DYNC1H1: variants seen among roughly 807,000 people sequenced by gnomAD.
DYNC1H1 encodes the protein cytoplasmic dynein 1 heavy chain 1.
DYNC1H1 carries 51 observed loss-of-function variants against 527.1 expected under a neutral mutation model. The observed-to-expected ratio is 0.10, with a 90% CI of 0.08 to 0.12. DYNC1H1 has a LOEUF of 0.12. Among genes scored for constraint, DYNC1H1 ranks in the 10% least tolerant of loss-of-function variants. The pLI, the probability that DYNC1H1 is intolerant of heterozygous loss-of-function variation, is 1.00. For missense variants in DYNC1H1, 2,771 were observed against 5,971.8 expected (o/e 0.46, Z 17.66); for synonymous variants, 2,189 against 2,278.8 (o/e 0.96, Z 1.12).
intron 29 of DYNC1H1, among the ~76,000 whole-genome samples, chr14:102,008,951 T>C (rs1174349798): frequency 6.6e-6 from 1 of 152,054 alleles, no homozygotes; most frequent in African/African-American, 2.4e-5. Context: ...GTTCCCTCCA[T>C]GGTCTTTGCC....
chr14:102,039,424 T>C lies in DYNC1H1; in HGVS notation c.11473T>C (p.Tyr3825His), dbSNP rs763172229. 1.2e-6 allele frequency: 2 copies of C among 1,614,148 alleles called. No individual in the cohort carries two copies. The highest frequency in any genetic ancestry group is 1.7e-6 in the Non-Finnish European group (2 of 1,180,056). Residue 3825 changes from tyrosine (Y) to histidine (H), a missense_variant, in exon 61 of 78, where the codon TAC becomes CAC. Around this residue, in one of 32 missense-constraint regions of DYNC1H1, gnomAD observed 283 missense variants for 737.6 expected, o/e 0.38. Transcript: ENST00000360184. The surrounding 1 kb of genome is among the most constrained non-coding windows in gnomAD (Gnocchi z 7.0). Reference sequence around the variant, plus strand: ...TGCTTCCTTTCAGATACACTTCTTGTACCAGTACTCCCTCCAGTTTTTCCT... The same window carrying C: ...TGCTTCCTTTCAGATACACTTCTTGCACCAGTACTCCCTCCAGTTTTTCCT... ...MESLKQIHFL[Y>H]QYSLQFFLDI...
Position 102,036,247 on chromosome 14 carries a change from T to G in DYNC1H1, c.10755-242T>G. The G allele has an allele frequency of 4.1e-6, 2 of 487,032 alleles. No homozygotes were observed. The highest frequency in any genetic ancestry group is 7.5e-6 in the Non-Finnish European group (2 of 265,048). 30.2% of individuals were successfully genotyped at this position (487,032 alleles called of 1,614,324 possible). On this transcript the variant is annotated intron_variant, in intron 56 of 77. Coordinates refer to ENST00000360184, the MANE Select transcript of DYNC1H1 (RefSeq NM_001376.5). The surrounding 1 kb of genome is among the most constrained non-coding windows in gnomAD (Gnocchi z 5.6). The stretch of plus-strand genomic sequence containing the variant: ...CCAGAAGGAAAAAGATTTTTAACTA[T>G]GGCCCTCTTGGTGTATGACTCAAGC...
chr14:102,037,078 CAGAA>C (rs2152593994), intron 57 of DYNC1H1: 1 of 218,610 alleles, frequency 4.6e-6, no homozygotes, highest in African/African-American at 2.4e-5. Context: ...GCCTGGGAGA[CAGAA>C]AGAGACTGTA....
rs538986139 is a variant in DYNC1H1 at position 102,018,439 on chromosome 14, A to C, written c.8178-12A>C. 34 of 1,612,822 alleles carry C rather than the reference A, an allele frequency of 2.1e-5. No homozygotes were observed. The South Asian group carries it at 3.7e-4, about 18-fold the overall frequency. On this transcript the variant is annotated splice_polypyrimidine_tract_variant and intron_variant, in intron 40 of 77. Coordinates refer to ENST00000360184, the MANE Select transcript of DYNC1H1 (RefSeq NM_001376.5). This position sits in a 1 kb window ranked among gnomAD's most constrained non-coding sequence, Gnocchi z 5.2. ...TCAGGGAGGGGCGCTGAGCGGGGCTATCTGTGCACAGGTTCCTGCGCCACG... is the reference window on the plus strand; with the variant it reads ...TCAGGGAGGGGCGCTGAGCGGGGCTCTCTGTGCACAGGTTCCTGCGCCACG...
Position 102,039,618 on chromosome 14 carries a change from G to T in DYNC1H1, c.11596-20G>T. The T allele has an allele frequency of 1.2e-6, 2 of 1,614,162 alleles. No individual in the cohort carries two copies. Among genetic ancestry groups the T allele is most frequent in the Admixed American group, 1.7e-5 (1 of 60,022 alleles). On this transcript the variant is annotated intron_variant, in intron 61 of 77. Coordinates refer to ENST00000360184, the MANE Select transcript of DYNC1H1 (RefSeq NM_001376.5). The surrounding 1 kb of genome is among the most constrained non-coding windows in gnomAD (Gnocchi z 7.0). The stretch of plus-strand genomic sequence containing the variant: ...GCTGCTTCTCTTATGGAACAACATC[G>T]TCTCCTGCTCTTGTCCCAGGTGGCG...
chr14:102,039,273 CAG>C lies in DYNC1H1; in HGVS notation c.11460+23_11460+24del, dbSNP rs2048614599. 6.2e-7 allele frequency: 1 copy of C among 1,612,734 alleles called. No individual in the cohort carries two copies. Among genetic ancestry groups the C allele is most frequent in the Non-Finnish European group, 8.5e-7 (1 of 1,180,036 alleles). The stretch of plus-strand genomic sequence containing the variant: ...CAAGCAGGTGGGTGCCTTGGCCATG[CAG>C]AGACTGGCGGGCCCCGCACAGTAGC... On this transcript the variant is annotated intron_variant, in intron 60 of 77. Coordinates refer to ENST00000360184, the MANE Select transcript of DYNC1H1 (RefSeq NM_001376.5). This position sits in a 1 kb window ranked among gnomAD's most constrained non-coding sequence, Gnocchi z 7.0.
chr14:101,982,950 G>A (rs2047885643), intron 5 of DYNC1H1, 69 bp from the exon 6 acceptor site: 3 of 1,561,958 alleles, frequency 1.9e-6, no homozygotes, highest in Non-Finnish European at 2.6e-6. Context: ...CCATTGTAAT[G>A]GCATATTTTA....
rs2047843805 is a variant in DYNC1H1, at chr14:101,979,920, A to T, written c.720A>T (p.Thr240=). 1 of 1,614,116 alleles carries T rather than the reference A, an allele frequency of 6.2e-7. No homozygotes were observed. The highest frequency in any genetic ancestry group is 8.5e-7 in the Non-Finnish European group (1 of 1,180,044). The change falls in exon 4 of 78, where the codon ACA becomes ACT. Residue 240 remains threonine, a synonymous_variant. Transcript: ENST00000360184. This position sits in a 1 kb window ranked among gnomAD's most constrained non-coding sequence, Gnocchi z 4.6. ...TDFGDKVEDP[T]FLNQLQSGVN... ...TTGGTGATAAGGTTGAAGACCCAAC[A>T]TTTCTTAATCAGTTACAATCTGGAG...
At position 102,032,919 on chromosome 14, in the gene DYNC1H1, C is replaced by A; in HGVS notation, c.10080-146C>A. The A allele has an allele frequency of 1.2e-5, 9 of 777,558 alleles. No individual in the cohort carries two copies. In the South Asian group the frequency reaches 1.4e-4, roughly 12 times the overall value. 48.2% of individuals were successfully genotyped at this position (777,558 alleles called of 1,614,324 possible). On this transcript the variant is annotated intron_variant, in intron 52 of 77. Transcript: ENST00000360184. The stretch of plus-strand genomic sequence containing the variant: ...ACATTTTCAGCTTTCACCTGAGAAC[C>A]AAGGGTCAGTCTAGCTCATCCCCAG...
At chr14:101,984,708 G>A (rs568496537) in intron 7 of DYNC1H1, among the ~76,000 whole-genome samples, 38 of 150,794 alleles carry the variant, frequency 2.5e-4, no homozygotes, top group Admixed American at 9.2e-4. Context: ...CGAGGCAGGC[G>A]GATCACGAGG....
chr14:102,033,217 G>C lies in DYNC1H1; in HGVS notation c.10197+35G>C. On this transcript the variant is annotated intron_variant, in intron 53 of 77. Coordinates refer to ENST00000360184, the MANE Select transcript of DYNC1H1 (RefSeq NM_001376.5). The surrounding 1 kb of genome is among the most constrained non-coding windows in gnomAD (Gnocchi z 5.6). The stretch of plus-strand genomic sequence containing the variant: ...ACAGCCAGGAGCTCCCGTGTGAAAG[G>C]TGACCTCTTTTCCTGTCACTTAAAT... 1 of 1,614,190 alleles carries C rather than the reference G, an allele frequency of 6.2e-7. No individual in the cohort carries two copies. Among genetic ancestry groups the C allele is most frequent in the South Asian group, 1.1e-5 (1 of 91,084 alleles).
Position 102,019,164 on chromosome 14 carries a change from C to T in DYNC1H1, c.8343+548C>T, listed in dbSNP as rs117391018. Reference sequence around the variant, plus strand: ...TACAGTTTCTAAATGTATATAAAGGCTGCATATCTGCCAGATTGCTCTCAA... The same window carrying T: ...TACAGTTTCTAAATGTATATAAAGGTTGCATATCTGCCAGATTGCTCTCAA... On this transcript the variant is annotated intron_variant, in intron 41 of 77. Coordinates refer to ENST00000360184, the MANE Select transcript of DYNC1H1 (RefSeq NM_001376.5). Among the ~76,000 whole-genome samples the T allele has an allele frequency of 9.6e-3, 1,459 of 152,342 alleles. 17 individuals carry two copies. Among genetic ancestry groups the T allele is most frequent in the Non-Finnish European group, 0.013 (890 of 68,036 alleles).
In DYNC1H1 at chr14:102,018,663, A is replaced by G; in HGVS notation, c.8343+47A>G. 1.2e-6 allele frequency: 2 copies of G among 1,605,314 alleles called. No homozygotes were observed. Among genetic ancestry groups the G allele is most frequent in the South Asian group, 2.2e-5 (2 of 90,390 alleles). ...TTCCAGAAATTGTTTTCCTCTCATA[A>G]TTAAGGCACTCGATTGGTCAGGTGT... On this transcript the variant is annotated intron_variant, in intron 41 of 77. Transcript: ENST00000360184. This position sits in a 1 kb window ranked among gnomAD's most constrained non-coding sequence, Gnocchi z 5.2.
chr14:102,039,668 C>T lies in DYNC1H1; in HGVS notation c.11626C>T (p.Leu3876=). 3.1e-6 allele frequency: 5 copies of T among 1,614,174 alleles called. No homozygotes were observed. Among genetic ancestry groups the T allele is most frequent in the Non-Finnish European group, 4.2e-6 (5 of 1,180,036 alleles). Residue 3876 remains leucine (L), a synonymous_variant, in exon 62 of 78, where the codon CTG becomes TTG. Coordinates refer to ENST00000360184, the MANE Select transcript of DYNC1H1 (RefSeq NM_001376.5). The surrounding 1 kb of genome is among the most constrained non-coding windows in gnomAD (Gnocchi z 7.0). ...VAFNRVARGM[L]HQDHITFAML... is the part of the protein sequence containing the mutation. ...GTTTAACCGAGTGGCTCGAGGCATG[C>T]TGCATCAGGACCACATTACCTTTGC...
At position 102,005,346 on chromosome 14, in the gene DYNC1H1, C is replaced by A; in HGVS notation, c.5433+110C>A. On this transcript the variant is annotated intron_variant, in intron 26 of 77. Transcript: ENST00000360184. This position sits in a 1 kb window ranked among gnomAD's most constrained non-coding sequence, Gnocchi z 4.0. ...AGGTTTCAGGTAGTATCAAGGAGAA[C>A]AGTGGATGGTGTATGGATATCCTCT... 7.1e-7 allele frequency: 1 copy of A among 1,414,438 alleles called. No individual in the cohort carries two copies. Among genetic ancestry groups the A allele is most frequent in the Non-Finnish European group, 9.9e-7 (1 of 1,009,850 alleles). The allele number at this position is 1,414,438 out of a possible 1,614,324, so 87.6% of individuals were successfully genotyped here.
intron 1 of DYNC1H1, among the ~76,000 whole-genome samples, chr14:101,970,475 T>G (rs1014555663): frequency 8.9e-6 from 1 of 111,984 alleles, no homozygotes. Context: ...TTGTTGTTGT[T>G]TTTTTTTTTT....
At chr14:101,993,109 C>G (rs2048017243) in intron 11 of DYNC1H1, among the ~76,000 whole-genome samples, 2 of 151,978 alleles carry the variant, frequency 1.3e-5, no homozygotes. Flanking sequence ...CCTCTTGAGC[C>G]CTGCCTCCCC....
Position 102,004,545 on chromosome 14 carries a change from G to A in DYNC1H1, c.4911G>A (p.Leu1637=), listed in dbSNP as rs181705516. The A allele has an allele frequency of 3.1e-6, 5 of 1,613,452 alleles. No homozygotes were observed. In the East Asian group the frequency reaches 8.9e-5, roughly 29 times the overall value. ...PRFYFVGDED[L]LEIIGNSKNV... ...TCTATTTTGTGGGTGATGAAGATTT[G>A]CTTGAAATCATTGGAAACAGCAAGA... Residue 1637 remains leucine (L), a synonymous_variant, in exon 24 of 78, where the codon TTG becomes TTA. Coordinates refer to ENST00000360184, the MANE Select transcript of DYNC1H1 (RefSeq NM_001376.5).
rs374440380 is a variant in DYNC1H1, at chr14:101,979,857, G to A, written c.657G>A (p.Gln219=). ...CAATGATCACAAATGTTGCAAAACAGTGTTATGAGCGTGGAGAAAAGCCAA... is the reference window on the plus strand; with the variant it reads ...CAATGATCACAAATGTTGCAAAACAATGTTATGAGCGTGGAGAAAAGCCAA... ...IHPMITNVAK[Q]CYERGEKPKV... The change falls in exon 4 of 78, where the codon CAG becomes CAA. Residue 219 remains glutamine, a synonymous_variant. Transcript: ENST00000360184. This position sits in a 1 kb window ranked among gnomAD's most constrained non-coding sequence, Gnocchi z 4.6. 53 of 1,614,222 alleles carry A rather than the reference G, an allele frequency of 3.3e-5. No individual in the cohort carries two copies. In the African/African-American group the frequency reaches 6.5e-4, roughly 20 times the overall value.
Sources: allele counts gnomAD v4.1 joint callset (sites outside exome capture counted in the v4.1 genomes callset), GRCh38; gene constraint gnomAD v4.1.1; regional missense constraint gnomAD v4.1.1; non-coding constraint Gnocchi (gnomAD v3.1); transcripts MANE v1.5; gene names NCBI Gene and HGNC (gene_info 2026-07-23, HGNC 2026-07-21).